The following PCDHGA4 variants were observed in gnomAD, a reference collection of about 807,000 sequenced individuals.
PCDHGA4 encodes protocadherin gamma-A4.
PCDHGA4 carries 38 observed loss-of-function variants against 54.6 expected under a neutral mutation model. The observed-to-expected ratio is 0.70, with a 90% confidence interval of 0.54 to 0.91. The LOEUF (loss-of-function observed/expected upper bound fraction) is 0.91, where lower values mean the gene tolerates loss of function less well. Among genes scored for constraint, PCDHGA4 ranks in the 40% least tolerant of loss-of-function variants. The pLI, the probability that PCDHGA4 is intolerant of heterozygous loss-of-function variation, is 0.00. For synonymous variants in PCDHGA4, 511 were observed against 512.9 expected (o/e 1.00, Z 0.05); for missense variants, 1,298 against 1,220.9 (o/e 1.06, Z -0.94).
chr5:141,372,313 A>G (rs774275406), intron 1 of PCDHGA4: 5 of 1,613,456 alleles, frequency 3.1e-6, no homozygotes, highest in Middle Eastern at 1.6e-4. Flanking sequence ...GCCGCCCGCC[A>G]GCGCCTGCTG....
Position 141,491,536 on chromosome 5 carries a change from C to T in PCDHGA4, c.2515-3271C>T, listed in dbSNP as rs746800813. 1.2e-6 allele frequency: 2 copies of T among 1,614,006 alleles called. No individual in the cohort carries two copies. Among genetic ancestry groups the T allele is most frequent in the Admixed American group, 3.3e-5 (2 of 60,030 alleles). On this transcript the variant is annotated intron_variant, in intron 1 of 3. Coordinates refer to ENST00000571252, the MANE Select transcript of PCDHGA4 (RefSeq NM_018917.4). This position sits in a 1 kb window ranked among gnomAD's most constrained non-coding sequence, Gnocchi z 6.9. ...CAAGTACATGGAGGTGACGCTGCGG[C>T]CCACAGACTCGCAGAGCCACTGCTA...
At position 141,491,514 on chromosome 5, in the gene PCDHGA4, G is replaced by A. The variant is rs753335815; in HGVS notation, c.2515-3293G>A. ...AGGTGAGCTCGGACGGCACGCTCAAGTACATGGAGGTGACGCTGCGGCCCA... is the reference window on the plus strand; with the variant it reads ...AGGTGAGCTCGGACGGCACGCTCAAATACATGGAGGTGACGCTGCGGCCCA... On this transcript the variant is annotated intron_variant, in intron 1 of 3. Coordinates refer to ENST00000571252, the MANE Select transcript of PCDHGA4 (RefSeq NM_018917.4). The surrounding 1 kb of genome is among the most constrained non-coding windows in gnomAD (Gnocchi z 6.9). 2 of 1,613,964 alleles carry A rather than the reference G, an allele frequency of 1.2e-6. No individual in the cohort carries two copies. Among genetic ancestry groups the A allele is most frequent in the East Asian group, 2.2e-5 (1 of 44,892 alleles).
At chr5:141,428,754 T>C (rs932377392) in intron 1 of PCDHGA4, 7 of 154,708 alleles carry the variant, frequency 4.5e-5, no homozygotes, top group African/African-American at 1.4e-4. Context: ...TTGCTTCAGG[T>C]TTGTTTGCCC....
At chr5:141,384,192 C>G in intron 1 of PCDHGA4, 1 of 1,613,866 alleles carries the variant, frequency 6.2e-7, no homozygotes. Flanking sequence ...GAACTCCTCC[C>G]TTGTCCAGGG....
At position 141,374,819 on chromosome 5, in the gene PCDHGA4, G is replaced by A. The variant is rs1489932950; in HGVS notation, c.2514+17198G>A. On this transcript the variant is annotated intron_variant, in intron 1 of 3. Transcript: ENST00000571252. ...CAACACTCCAATGTTTACTCAGCCT[G>A]TCTACCGTGTAAGTGTTCCTGAAAA... 2 of 1,613,812 alleles carry A rather than the reference G, an allele frequency of 1.2e-6. 1 individual carries two copies. Among genetic ancestry groups the A allele is most frequent in the East Asian group, 4.5e-5 (2 of 44,894 alleles).
chr5:141,372,821 C>T (rs1174181623), intron 1 of PCDHGA4: 2 of 1,566,320 alleles, frequency 1.3e-6, no homozygotes, highest in Non-Finnish European at 1.7e-6. Flanking sequence ...TGAGTTTCTT[C>T]AAACCTTTCC....
At chr5:141,465,467 C>T (rs2099103834) in intron 1 of PCDHGA4, among the ~76,000 whole-genome samples, 1 of 152,178 alleles carries the variant, frequency 6.6e-6, no homozygotes, top group Non-Finnish European at 1.5e-5. Flanking sequence ...CCAAATTGCC[C>T]TTGCTTCATG....
chr5:141,427,974 G>T, intron 1 of PCDHGA4: 1 of 1,594,576 alleles, frequency 6.3e-7, no homozygotes, highest in South Asian at 1.1e-5. Flanking sequence ...GCTGTACCCC[G>T]CGCTGGGGCC....
At chr5:141,418,855 A>C in intron 1 of PCDHGA4, 1 of 1,614,042 alleles carries the variant, frequency 6.2e-7, no homozygotes, top group Non-Finnish European at 8.5e-7. Context: ...CACGGTGTAA[A>C]GTAATTGTAG....
intron 1 of PCDHGA4, chr5:141,398,682 A>G (rs767093587): frequency 1.4e-5 from 23 of 1,613,842 alleles, no homozygotes; most frequent in Non-Finnish European, 1.9e-5. Flanking sequence ...TTAAGGAGAA[A>G]CAGGATGGTA....
chr5:141,474,847 GCCTTCT>G (rs906863967), intron 1 of PCDHGA4, among the ~76,000 whole-genome samples: 3 of 152,198 alleles, frequency 2.0e-5, no homozygotes, highest in African/African-American at 7.2e-5. Context: ...CACTTTACCT[GCCTTCT>G]TCATTTAATA....
At chr5:141,413,639 G>T (rs893578830) in intron 1 of PCDHGA4, 1 of 1,613,736 alleles carries the variant, frequency 6.2e-7, no homozygotes, top group African/African-American at 1.3e-5. Flanking sequence ...GCGGGAATGC[G>T]TTTTCCTCTC....
At chr5:141,415,641 T>TA (rs113784532) in intron 1 of PCDHGA4, 91,654 of 1,192,004 alleles carry the variant, frequency 0.077, 689 homozygotes, top group South Asian at 0.099. Context: ...TTACTTTTGT[T>TA]AAAAAAAAAA....
At chr5:141,505,323 G>C in intron 2 of PCDHGA4, 70 bp from the exon 3 acceptor site, 1 of 1,606,758 alleles carries the variant, frequency 6.2e-7, no homozygotes, top group South Asian at 1.1e-5. Flanking sequence ...GGGAGCCCTG[G>C]GAGAGGACAG....
At chr5:141,419,170 C>T (rs758796140) in intron 1 of PCDHGA4, 4 of 1,613,966 alleles carry the variant, frequency 2.5e-6, no homozygotes, top group Non-Finnish European at 3.4e-6. Context: ...CCAGCAAAAC[C>T]ATAACCCTGC....
chr5:141,377,638 G>T (rs1588842725), intron 1 of PCDHGA4: 1 of 151,416 alleles, frequency 6.6e-6, no homozygotes, highest in East Asian at 1.9e-4. Flanking sequence ...TTTTCTCAGT[G>T]TTACTTGATA....
intron 1 of PCDHGA4, chr5:141,370,618 T>C: frequency 6.2e-7 from 1 of 1,613,964 alleles, no homozygotes; most frequent in Non-Finnish European, 8.5e-7. Context: ...AAGAAATTCT[T>C]TACCGTGAGC....
At chr5:141,483,660 G>T (rs943362284) in intron 1 of PCDHGA4, among the ~76,000 whole-genome samples, 4 of 152,094 alleles carry the variant, frequency 2.6e-5, no homozygotes, top group Admixed American at 2.0e-4. Flanking sequence ...GTGTGTGTGT[G>T]TGTGTGTGTA....
chr5:141,399,955 C>G, intron 1 of PCDHGA4: 1 of 1,612,146 alleles, frequency 6.2e-7, no homozygotes. Flanking sequence ...GGCTAGCGAG[C>G]CCGGGCTCTT....
Sources: gnomAD v4.1 joint callset for allele counts (sites outside exome capture counted in the v4.1 genomes callset) on GRCh38, gnomAD v4.1.1 for gene constraint, Gnocchi (gnomAD v3.1) non-coding constraint, MANE v1.5 for transcripts, NCBI Gene and HGNC (gene_info 2026-07-23, HGNC 2026-07-21) for gene names.